LDLRAD4: variants seen among roughly 807,000 people sequenced by gnomAD.
LDLRAD4 encodes low-density lipoprotein receptor class A domain-containing protein 4.
LDLRAD4 carries 5 observed loss-of-function variants against 17.0 expected under a neutral mutation model. The observed-to-expected ratio is 0.29, with a 90% confidence interval of 0.15 to 0.62. LDLRAD4 has a LOEUF of 0.62. Among genes scored for constraint, LDLRAD4 ranks in the 20% least tolerant of loss-of-function variants. The pLI, the probability that LDLRAD4 is intolerant of heterozygous loss-of-function variation, is 0.84. For missense variants in LDLRAD4, 340 were observed against 424.7 expected, an observed-to-expected ratio of 0.80 and a Z score of 1.75; for synonymous variants, 168 against 171.8, an observed-to-expected ratio of 0.98 and a Z score of 0.17.
intron 1 of LDLRAD4, among the ~76,000 whole-genome samples, chr18:13,385,141 A>G (rs764006265): frequency 8.5e-5 from 13 of 152,174 alleles, no homozygotes; most frequent in Non-Finnish European, 1.8e-4. Context: ...ATCCTTGCCA[A>G]TACTTCTCAT....
At chr18:13,250,584 A>G (rs2043181933) in intron 1 of LDLRAD4, among the ~76,000 whole-genome samples, 1 of 152,230 alleles carries the variant, frequency 6.6e-6, no homozygotes, top group South Asian at 2.1e-4. Flanking sequence ...ATAAAGGATC[A>G]TTAGAGAATA....
intron 2 of LDLRAD4, among the ~76,000 whole-genome samples, chr18:13,404,372 G>A (rs1424262934): frequency 1.3e-5 from 2 of 152,206 alleles, no homozygotes; most frequent in African/African-American, 4.8e-5. Flanking sequence ...CGGTGTGGCC[G>A]CAGCCTGGCT....
At chr18:13,541,772 G>A (rs545075420) in intron 3 of LDLRAD4, among the ~76,000 whole-genome samples, 7 of 152,294 alleles carry the variant, frequency 4.6e-5, no homozygotes, top group Admixed American at 2.6e-4. Context: ...GAAAAAGACC[G>A]CCAGGCGTGG....
At chr18:13,570,584 G>A (rs1426718253) in intron 3 of LDLRAD4, among the ~76,000 whole-genome samples, 3 of 152,162 alleles carry the variant, frequency 2.0e-5, no homozygotes, top group African/African-American at 7.2e-5. Flanking sequence ...TGATAGTCAC[G>A]GCTCCCGCTG....
At chr18:13,267,713 C>A (rs2044299389) in intron 1 of LDLRAD4, among the ~76,000 whole-genome samples, 1 of 152,198 alleles carries the variant, frequency 6.6e-6, no homozygotes, top group South Asian at 2.1e-4. Flanking sequence ...GAGGCTGGGG[C>A]CCCGCATTCT....
intron 3 of LDLRAD4, among the ~76,000 whole-genome samples, chr18:13,532,530 G>T (rs2094143978): frequency 6.6e-6 from 1 of 152,164 alleles, no homozygotes; most frequent in South Asian, 2.1e-4. Flanking sequence ...AAAGTGGGAG[G>T]GAGGCGGAGG....
At chr18:13,408,194 C>A (rs1057347872) in intron 2 of LDLRAD4, among the ~76,000 whole-genome samples, 1 of 151,934 alleles carries the variant, frequency 6.6e-6, no homozygotes, top group Non-Finnish European at 1.5e-5. Context: ...GGCAACATGG[C>A]GAAACCCCGT....
At chr18:13,458,108 T>A (rs1296252517) in intron 3 of LDLRAD4, among the ~76,000 whole-genome samples, 1 of 152,160 alleles carries the variant, frequency 6.6e-6, no homozygotes, top group Non-Finnish European at 1.5e-5. Flanking sequence ...GTCTCCTAAC[T>A]GGACCAAGAC....
chr18:13,642,276 G>C, intron 4 of LDLRAD4: 1 of 988,362 alleles, frequency 1.0e-6, no homozygotes, highest in Non-Finnish European at 1.2e-6. Flanking sequence ...CAGCCCGCCC[G>C]TTTCCGAGAA....
chr18:13,630,066 C>CAG (rs201962432), intron 4 of LDLRAD4, among the ~76,000 whole-genome samples: 3,926 of 152,326 alleles, frequency 0.026, 155 homozygotes, highest in African/African-American at 0.089. Flanking sequence ...CTCTTGAAGT[C>CAG]CGATTGCTCA....
chr18:13,376,947 C>A (rs1176215110), intron 1 of LDLRAD4, among the ~76,000 whole-genome samples: 1 of 152,236 alleles, frequency 6.6e-6, no homozygotes, highest in African/African-American at 2.4e-5. Flanking sequence ...AGTTAGAGAC[C>A]AGGCAGCCTT....
At chr18:13,346,082 A>G (rs150890529) in intron 1 of LDLRAD4, among the ~76,000 whole-genome samples, 81 of 152,158 alleles carry the variant, frequency 5.3e-4, no homozygotes, top group African/African-American at 1.7e-3. Context: ...TATTTCCTTC[A>G]GTTCTGCCCT....
At chr18:13,316,581 C>G (rs2080946676) in intron 1 of LDLRAD4, among the ~76,000 whole-genome samples, 1 of 152,160 alleles carries the variant, frequency 6.6e-6, no homozygotes, top group South Asian at 2.1e-4. Flanking sequence ...TACCTGTCAC[C>G]AGCAAGTCAC....
intron 3 of LDLRAD4, among the ~76,000 whole-genome samples, chr18:13,496,877 C>G (rs1256232686): frequency 6.6e-6 from 1 of 152,256 alleles, no homozygotes; most frequent in African/African-American, 2.4e-5. Flanking sequence ...CAGCCCGAAC[C>G]TGGGCACCCC....
chr18:13,445,661 T>A (rs1304349405), intron 3 of LDLRAD4, among the ~76,000 whole-genome samples: 1 of 151,106 alleles, frequency 6.6e-6, no homozygotes, highest in East Asian at 1.9e-4. Context: ...TGTGCATGAG[T>A]GTGTTTGCGT....
intron 1 of LDLRAD4, among the ~76,000 whole-genome samples, chr18:13,306,939 T>C (rs955958142): frequency 7.2e-5 from 11 of 152,104 alleles, no homozygotes; most frequent in African/African-American, 2.4e-4. Flanking sequence ...TTAATGGAGA[T>C]AAGTACTTCC....
Position 13,387,678 on chromosome 18 carries a change from C to T in LDLRAD4, c.-45C>T, listed in dbSNP as rs2085933571. ...GAGCCTCGCCCGGCGGCTTCCTCGACGGGACAGCGCAAGAGTTGGAGCACA... is the reference window on the plus strand; with the variant it reads ...GAGCCTCGCCCGGCGGCTTCCTCGATGGGACAGCGCAAGAGTTGGAGCACA... On this transcript the variant is annotated 5_prime_UTR_variant, in exon 2 of 6. In the 5' UTR this introduces an upstream ATG that the reference lacks. Coordinates refer to ENST00000359446, the Ensembl canonical transcript of LDLRAD4. 4.4e-6 allele frequency: 7 copies of T among 1,601,474 alleles called. No individual in the cohort carries two copies. The highest frequency in any genetic ancestry group is 5.1e-6 in the Non-Finnish European group (6 of 1,169,178).
intron 3 of LDLRAD4, among the ~76,000 whole-genome samples, chr18:13,481,037 A>G (rs1200985154): frequency 6.6e-6 from 1 of 152,214 alleles, no homozygotes; most frequent in Non-Finnish European, 1.5e-5. Flanking sequence ...GTGGATGCAC[A>G]TGTCCTAGGG....
chr18:13,515,912 A>C (rs2093858725), intron 3 of LDLRAD4: 1 of 152,204 alleles, frequency 6.6e-6, no homozygotes, highest in Non-Finnish European at 1.5e-5. Flanking sequence ...TCCTGGGCTC[A>C]AGGGATCCTC....
Sources: allele counts gnomAD v4.1 joint callset (sites outside exome capture counted in the v4.1 genomes callset), GRCh38; gene constraint gnomAD v4.1.1; transcripts MANE v1.5; gene names NCBI Gene and HGNC (gene_info 2026-07-23, HGNC 2026-07-21).